LACRT: variants seen among roughly 807,000 people sequenced by gnomAD.
LACRT encodes the protein extracellular glycoprotein lacritin.
A neutral mutation model predicts 14.5 loss-of-function variants in LACRT; 14 were observed. The ratio of observed to expected loss-of-function variants is 0.96; its 90% CI spans 0.64 to 1.51. The LOEUF is 1.51. Among genes scored for constraint, LACRT ranks in the 40% most tolerant of loss-of-function variants. LACRT has a pLI of 0.00. For missense variants in LACRT, 156 were observed against 161.8 expected (o/e 0.96, Z 0.19); for synonymous variants, 70 against 63.5 (o/e 1.10, Z -0.48).
chr12:54,633,345 G>A, intron 1 of LACRT, 112 bp from the exon 2 acceptor site: 2 of 939,860 alleles, frequency 2.1e-6, no homozygotes, highest in South Asian at 3.1e-5. Context: ...ATGGATAGAA[G>A]GGGATCAATT....
chr12:54,634,366 A>G (rs1958174287), intron 1 of LACRT, among the ~76,000 whole-genome samples: 1 of 151,770 alleles, frequency 6.6e-6, no homozygotes, highest in Non-Finnish European at 1.5e-5. Flanking sequence ...AAAAAAAAAA[A>G]AAAAAGGCAT....
intron 1 of LACRT, among the ~76,000 whole-genome samples, chr12:54,634,486 G>A (rs1269236191): frequency 6.6e-6 from 1 of 152,086 alleles, no homozygotes; most frequent in Non-Finnish European, 1.5e-5. Context: ...TCGTGTAGGG[G>A]ACACCCTGCT....
intron 2 of LACRT, among the ~76,000 whole-genome samples, 176 bp downstream of exon 2, chr12:54,633,004 C>T (rs554101315): frequency 2.4e-4 from 37 of 152,220 alleles, no homozygotes; most frequent in African/African-American, 8.4e-4. Context: ...TGTCCTTAGC[C>T]TTGTACCATT....
At position 54,632,329 on chromosome 12, in the gene LACRT, C is replaced by T. The variant is rs143551719; in HGVS notation, c.165G>A (p.Glu55=). The T allele has an allele frequency of 6.0e-4, 972 of 1,614,100 alleles. 14 individuals are homozygous for T. The Admixed American group carries it at 0.015, about 25-fold the overall frequency. Residue 55 remains glutamate (E), a synonymous_variant, in exon 3 of 5, where the codon GAG becomes GAA. Coordinates refer to ENST00000257867, the MANE Select transcript of LACRT (RefSeq NM_033277.2). ...AAGTCTCCTGGGCTGTTGTGGTTGT[C>T]TCTGGGGGTGAAGCTGGTTCTGCTG... is the stretch of plus-strand genomic sequence containing the variant. ...SGPAEPASPP[E]TTTTAQETSA...
In LACRT at chr12:54,631,813, G is replaced by A; in HGVS notation, c.280C>T (p.Leu94=). Residue 94 remains leucine, a synonymous_variant, in exon 4 of 5, where the codon CTA becomes TTA. Transcript: ENST00000257867. ...GCTTTTGCAAGGGCTTGTTCTGTTA[G>A]TAAGATACTTTTCTCCACTATGGAT... ...LKSIVEKSIL[L]TEQALAKAGK... is the part of the protein sequence containing the mutation. 1 of 1,613,574 alleles carries A rather than the reference G, an allele frequency of 6.2e-7. No individual in the cohort carries two copies. The highest frequency in any genetic ancestry group is 8.5e-7 in the Non-Finnish European group (1 of 1,179,482).
Position 54,633,163 on chromosome 12 carries a change from G to A in LACRT, c.112+17C>T. The A allele has an allele frequency of 6.2e-7, 1 of 1,613,400 alleles. No homozygotes were observed. The highest frequency in any genetic ancestry group is 8.5e-7 in the Non-Finnish European group (1 of 1,179,430). ...CTTCCCAACGAGGGCTAGGGCAGCA[G>A]GGAGAGGAGGACTCACAGGTCCCAG... On this transcript the variant is annotated intron_variant, in intron 2 of 4. Coordinates refer to ENST00000257867, the MANE Select transcript of LACRT (RefSeq NM_033277.2).
At chr12:54,632,016 T>C (rs995185727) in intron 3 of LACRT, 177 bp from the exon 4 acceptor site, 2 of 640,030 alleles carry the variant, frequency 3.1e-6, no homozygotes, top group East Asian at 3.0e-5. Flanking sequence ...TCATAGGAAG[T>C]TGTGTGAGCC....
chr12:54,631,652 G>T, intron 4 of LACRT, 86 bp downstream of exon 4: 1 of 963,352 alleles, frequency 1.0e-6, no homozygotes, highest in Non-Finnish European at 1.7e-6. Context: ...TGGAAATGGG[G>T]GCAAGTTCTG....
At chr12:54,634,373 G>T (rs1179261398) in intron 1 of LACRT, among the ~76,000 whole-genome samples, 2 of 146,002 alleles carry the variant, frequency 1.4e-5, no homozygotes, top group Non-Finnish European at 3.0e-5. Flanking sequence ...AAAAAAAAAG[G>T]CATCCCTTCC....
intron 4 of LACRT, 67 bp downstream of exon 4, chr12:54,631,671 C>A: frequency 8.4e-7 from 1 of 1,191,058 alleles, no homozygotes. Context: ...TGTCCCATAT[C>A]CCACCCCCGG....
At position 54,630,940 on chromosome 12, in the gene LACRT, A is replaced by G; in HGVS notation, c.369T>C (p.Phe123=). The G allele has an allele frequency of 6.2e-7, 1 of 1,610,910 alleles. No homozygotes were observed. Among genetic ancestry groups the G allele is most frequent in the Non-Finnish European group, 8.5e-7 (1 of 1,177,568 alleles). The change falls in exon 5 of 5, where the codon TTT becomes TTC. Residue 123 remains phenylalanine (F), a synonymous_variant. Coordinates refer to ENST00000257867, the MANE Select transcript of LACRT (RefSeq NM_033277.2). ...TGAATTTCTTCAGTAATTTTTGTGC[A>G]AATTCACTTCCATCTAGAAGGAAAG... ...GKQFIENGSE[F]AQKLLKKFSL... is the part of the protein sequence containing the mutation.
chr12:54,633,648 TC>T (rs888457781), intron 1 of LACRT, among the ~76,000 whole-genome samples: 15 of 152,116 alleles, frequency 9.9e-5, no homozygotes, highest in African/African-American at 3.6e-4. Flanking sequence ...CAGCCTTGAT[TC>T]CCTTTATTCT....
In LACRT at chr12:54,632,359, T is replaced by G; in HGVS notation, c.135A>C (p.Ser45=). ...GGGGTGAAGCTGGTTCTGCTGGACC[T>G]GAGATCTCTTCATTAGGCTTAGCTG... The part of the protein sequence containing the change: ...AGTSKPNEEI[S]GPAEPASPPE... Residue 45 remains serine, a synonymous_variant, in exon 3 of 5, where the codon TCA becomes TCC. Coordinates refer to ENST00000257867, the MANE Select transcript of LACRT (RefSeq NM_033277.2). The G allele has an allele frequency of 6.2e-7, 1 of 1,614,158 alleles. No homozygotes were observed.
chr12:54,632,948 T>C (rs1321102669), intron 2 of LACRT, among the ~76,000 whole-genome samples: 1 of 152,120 alleles, frequency 6.6e-6, no homozygotes, highest in African/African-American at 2.4e-5. Flanking sequence ...CAATAACCTT[T>C]TCCCCATGCT....
chr12:54,630,847 G>T lies in LACRT; in HGVS notation c.*45C>A. ...CGTTTTAATAGCTCTGGGCTACAAG[G>T]GTATTTAAGGCTTTAAGTCCAATGA... On this transcript the variant is annotated 3_prime_UTR_variant, in exon 5 of 5. Transcript: ENST00000257867. 1 of 1,376,604 alleles carries T rather than the reference G, an allele frequency of 7.3e-7. No homozygotes were observed. Among genetic ancestry groups the T allele is most frequent in the Non-Finnish European group, 1.0e-6 (1 of 963,954 alleles). The allele number at this position is 1,376,604 out of a possible 1,614,324, so 85.3% of individuals were successfully genotyped here. A position where few individuals can be genotyped will look rare whatever the true frequency, so the allele number is the denominator to read the frequency against.
intron 1 of LACRT, 109 bp downstream of exon 1, chr12:54,634,675 A>G: frequency 9.4e-7 from 1 of 1,068,764 alleles, no homozygotes; most frequent in South Asian, 1.3e-5. Context: ...TTGCAGAGGC[A>G]GGGAAACCAG....
chr12:54,632,162 C>G, intron 3 of LACRT, 79 bp downstream of exon 3: 1 of 1,530,722 alleles, frequency 6.5e-7, no homozygotes, highest in Non-Finnish European at 9.0e-7. Context: ...AGGCTTATCT[C>G]TGTGCGTGGA....
chr12:54,630,976 TG>T, intron 4 of LACRT, 23 bp from the exon 5 acceptor site: 1 of 1,567,766 alleles, frequency 6.4e-7, no homozygotes, highest in Non-Finnish European at 8.8e-7. Context: ...ATGAGACAAA[TG>T]AGGCTTTTAG....
chr12:54,632,174 G>A, intron 3 of LACRT, 67 bp downstream of exon 3: 2 of 1,565,560 alleles, frequency 1.3e-6, no homozygotes, highest in Non-Finnish European at 8.8e-7. Flanking sequence ...GTGCGTGGAG[G>A]TGTGATGTGG....
Sources: allele counts gnomAD v4.1 joint callset (sites outside exome capture counted in the v4.1 genomes callset), GRCh38; gene constraint gnomAD v4.1.1; transcripts MANE v1.5; gene names NCBI Gene and HGNC (gene_info 2026-07-23, HGNC 2026-07-21).